CAMKMT: variants seen among roughly 807,000 people sequenced by gnomAD.
The protein encoded by CAMKMT is calmodulin-lysine N-methyltransferase, also known as CaM KMT.
In CAMKMT, 53 loss-of-function variants were observed where a neutral mutation model predicts 48.0. The ratio of observed to expected loss-of-function variants is 1.10; its 90% CI spans 0.89 to 1.39. The LOEUF (loss-of-function observed/expected upper bound fraction) is 1.39. Among genes scored for constraint, CAMKMT ranks in the 40% most tolerant of loss-of-function variants. The pLI is 0.00. For synonymous variants in CAMKMT, 165 were observed against 152.3 expected (o/e 1.08, Z -0.61); for missense variants, 428 against 402.7 (o/e 1.06, Z -0.54).
At chr2:44,424,887 C>T (rs551467410) in intron 3 of CAMKMT, among the ~76,000 whole-genome samples, 1 of 152,204 alleles carries the variant, frequency 6.6e-6, no homozygotes, top group African/African-American at 2.4e-5. Context: ...TAACCAAACA[C>T]CACCTGTTCC....
At chr2:44,607,036 C>T (rs747335432) in intron 3 of CAMKMT, among the ~76,000 whole-genome samples, 5 of 152,152 alleles carry the variant, frequency 3.3e-5, no homozygotes, top group Non-Finnish European at 7.3e-5. Flanking sequence ...CCTCTAACTG[C>T]ACTATTCTAT....
chr2:44,668,239 C>T (rs528123629), intron 3 of CAMKMT, among the ~76,000 whole-genome samples: 1 of 152,302 alleles, frequency 6.6e-6, no homozygotes, highest in Non-Finnish European at 1.5e-5. Flanking sequence ...ATCACTAGAG[C>T]CACCTGTCCA....
chr2:44,388,244 G>C (rs1421190668), intron 2 of CAMKMT, among the ~76,000 whole-genome samples: 1 of 152,114 alleles, frequency 6.6e-6, no homozygotes, highest in East Asian at 1.9e-4. Flanking sequence ...TTAATTTGAA[G>C]ATCTTGTTCT....
At chr2:44,496,823 C>A (rs1669771609) in intron 3 of CAMKMT, among the ~76,000 whole-genome samples, 1 of 152,078 alleles carries the variant, frequency 6.6e-6, no homozygotes, top group African/African-American at 2.4e-5. Flanking sequence ...GTATTTAAGT[C>A]TAATATGTAG....
chr2:44,522,302 G>T (rs1053315239), intron 3 of CAMKMT, among the ~76,000 whole-genome samples: 21 of 151,894 alleles, frequency 1.4e-4, no homozygotes, highest in Admixed American at 1.3e-3. Context: ...ACCGAGCCCG[G>T]CCCCTCTTTT....
intron 2 of CAMKMT, among the ~76,000 whole-genome samples, chr2:44,386,176 A>G (rs1269822075): frequency 6.6e-6 from 1 of 151,742 alleles, no homozygotes; most frequent in African/African-American, 2.4e-5. Flanking sequence ...TGTTCAGGGT[A>G]TCTAATTCTC....
At chr2:44,487,446 G>A (rs1211952055) in intron 3 of CAMKMT, among the ~76,000 whole-genome samples, 1 of 152,112 alleles carries the variant, frequency 6.6e-6, no homozygotes, top group Non-Finnish European at 1.5e-5. Context: ...AAATAGAGAG[G>A]TCAGACTTGA....
intron 3 of CAMKMT, among the ~76,000 whole-genome samples, chr2:44,531,296 A>G (rs1344930487): frequency 6.6e-6 from 1 of 152,132 alleles, no homozygotes; most frequent in African/African-American, 2.4e-5. Context: ...AAATCCTGGA[A>G]ATATATGGCT....
At chr2:44,369,260 T>C (rs918823923) in intron 1 of CAMKMT, among the ~76,000 whole-genome samples, 1 of 152,134 alleles carries the variant, frequency 6.6e-6, no homozygotes. Flanking sequence ...CCTTTTCCGA[T>C]CCTCCATTTA....
intron 3 of CAMKMT, among the ~76,000 whole-genome samples, chr2:44,546,159 A>G (rs1275397466): frequency 1.3e-5 from 1 of 75,780 alleles, no homozygotes; most frequent in Non-Finnish European, 3.4e-5. Flanking sequence ...GCTAGGACAC[A>G]CACACACACA....
At chr2:44,416,411 T>A (rs1683554095) in intron 3 of CAMKMT, among the ~76,000 whole-genome samples, 4 of 152,116 alleles carry the variant, frequency 2.6e-5, no homozygotes, top group Admixed American at 2.6e-4. Context: ...CACCCCAGAA[T>A]GTTTTCTTCT....
At chr2:44,687,649 C>CTATTA in intron 3 of CAMKMT, among the ~76,000 whole-genome samples, 1 of 152,238 alleles carries the variant, frequency 6.6e-6, no homozygotes, top group Non-Finnish European at 1.5e-5. Context: ...GTTTCAAAAC[C>CTATTA]TATTATAATG....
intron 7 of CAMKMT, among the ~76,000 whole-genome samples, chr2:44,726,291 A>C (rs1167816581): frequency 6.6e-6 from 1 of 152,054 alleles, no homozygotes. Context: ...GCCAGCATCT[A>C]TTGTATCTTG....
chr2:44,427,647 T>A (rs1684357599), intron 3 of CAMKMT, among the ~76,000 whole-genome samples: 1 of 152,196 alleles, frequency 6.6e-6, no homozygotes, highest in Non-Finnish European at 1.5e-5. Context: ...CCACCACAAG[T>A]ATCCCCTGTA....
intron 2 of CAMKMT, among the ~76,000 whole-genome samples, chr2:44,382,262 A>G (rs995175054): frequency 3.3e-5 from 5 of 151,610 alleles, no homozygotes; most frequent in African/African-American, 1.2e-4. Context: ...TATTTTGCTC[A>G]TTTTCATCTT....
chr2:44,565,133 C>T (rs1362452697), intron 3 of CAMKMT, among the ~76,000 whole-genome samples: 1 of 152,036 alleles, frequency 6.6e-6, no homozygotes, highest in African/African-American at 2.4e-5. Flanking sequence ...ATAGTGCTGG[C>T]CAAAGGGACC....
At chr2:44,734,029 A>G (rs541384050) in intron 7 of CAMKMT, among the ~76,000 whole-genome samples, 6 of 149,678 alleles carry the variant, frequency 4.0e-5, no homozygotes, top group African/African-American at 1.5e-4. Flanking sequence ...GGTTTCATTG[A>G]TTTTTCTCTA....
chr2:44,687,442 G>T (rs1676399917), intron 3 of CAMKMT, among the ~76,000 whole-genome samples: 1 of 152,154 alleles, frequency 6.6e-6, no homozygotes, highest in African/African-American at 2.4e-5. Flanking sequence ...ATGAATAAAT[G>T]AATGAAATCA....
chr2:44,661,426 C>T (rs1015646114), intron 3 of CAMKMT, among the ~76,000 whole-genome samples: 6 of 151,260 alleles, frequency 4.0e-5, no homozygotes, highest in African/African-American at 1.5e-4. Context: ...AGCGATTCTC[C>T]CATCTCAGCC....
Sources: gnomAD v4.1 joint callset for allele counts (sites outside exome capture counted in the v4.1 genomes callset) on GRCh38, gnomAD v4.1.1 for gene constraint, MANE v1.5 for transcripts, NCBI Gene and HGNC (gene_info 2026-07-23, HGNC 2026-07-21) for gene names.